Variants in SLC44A2 observed in about 807,000 individuals in gnomAD.
The protein encoded by SLC44A2 is choline transporter-like protein 2.
A neutral mutation model predicts 90.8 loss-of-function variants in SLC44A2; 57 were observed. That is an observed-to-expected ratio of 0.63 (90% CI 0.51 to 0.78). The LOEUF (loss-of-function observed/expected upper bound fraction) is 0.78. Ranked by LOEUF, SLC44A2 falls within the 30% of genes least tolerant of loss-of-function variation. The pLI is 0.00. For synonymous variants in SLC44A2, 355 were observed against 360.7 expected (o/e 0.98, Z 0.18); for missense variants, 794 against 919.7 (o/e 0.86, Z 1.77).
chr19:10,627,725 C>T lies in SLC44A2; in HGVS notation c.90C>T (p.Gly30=), dbSNP rs767832382. 3 of 1,613,128 alleles carry T rather than the reference C, an allele frequency of 1.9e-6. No homozygotes were observed. Among genetic ancestry groups the T allele is most frequent in the Non-Finnish European group, 2.5e-6 (3 of 1,179,924 alleles). Residue 30 remains glycine (G), a synonymous_variant, in exon 3 of 22, where the codon GGC becomes GGT. Coordinates refer to ENST00000335757, the MANE Select transcript of SLC44A2 (RefSeq NM_020428.4). ...ACACTGCCCCTCTGCTCCCCAGGGG[C>T]TGCACGGATATCATATGCTGTGTGT... ...PTFKGPIYNR[G]CTDIICCVFL... is the part of the protein sequence containing the mutation.
chr19:10,635,663 AAG>A, intron 14 of SLC44A2, 148 bp downstream of exon 14: 1 of 690,788 alleles, frequency 1.4e-6, no homozygotes, highest in South Asian at 1.9e-5. Context: ...CACAGTGGGG[AAG>A]AGACTCTCTA....
intron 1 of SLC44A2, among the ~76,000 whole-genome samples, chr19:10,607,993 C>T (rs969044773): frequency 4.6e-5 from 7 of 150,840 alleles, no homozygotes; most frequent in Non-Finnish European, 5.9e-5. Flanking sequence ...GATCCGCCCC[C>T]GCCTCGGCCT....
intron 4 of SLC44A2, among the ~76,000 whole-genome samples, chr19:10,629,096 C>T (rs1396839867): frequency 3.3e-5 from 5 of 150,426 alleles, no homozygotes; most frequent in Non-Finnish European, 5.9e-5. Flanking sequence ...CCCGGTTACT[C>T]AGGAGGCTGA....
intron 1 of SLC44A2, among the ~76,000 whole-genome samples, chr19:10,617,750 T>C (rs145228107): frequency 1.5e-4 from 23 of 152,274 alleles, no homozygotes; most frequent in Admixed American, 2.6e-4. Flanking sequence ...TAAAATGGGT[T>C]GATGAAATGG....
At chr19:10,631,021 T>C (rs559042575) in intron 4 of SLC44A2, 36 bp from the exon 5 acceptor site, 6 of 1,241,522 alleles carry the variant, frequency 4.8e-6, no homozygotes, top group Admixed American at 4.0e-5. Flanking sequence ...AAAAAAAAAA[T>C]CTTAACAGTT....
At position 10,627,804 on chromosome 19, in the gene SLC44A2, A is replaced by G. The variant is rs769141734; in HGVS notation, c.160+9A>G. On this transcript the variant is annotated intron_variant, in intron 3 of 21. Transcript: ENST00000335757. ...GGCTGTAGGCATCATAGGTGAGTAG[A>G]GAATGAGCAGGACTTGGAGTTGCAG... The G allele has an allele frequency of 6.2e-7, 1 of 1,614,122 alleles. No homozygotes were observed. Among genetic ancestry groups the G allele is most frequent in the Non-Finnish European group, 8.5e-7 (1 of 1,180,030 alleles).
chr19:10,610,394 T>C (rs1402141006), intron 1 of SLC44A2, among the ~76,000 whole-genome samples: 2 of 146,456 alleles, frequency 1.4e-5, no homozygotes, highest in Non-Finnish European at 3.0e-5. Context: ...TGCAGTGACG[T>C]GATCTCGGCT....
rs1046814890 is a variant in SLC44A2 at position 10,627,661 on chromosome 19, G to A, written c.87-61G>A. 58 of 1,578,126 alleles carry A rather than the reference G, an allele frequency of 3.7e-5. No individual in the cohort carries two copies. The Admixed American group carries it at 9.7e-4, about 26-fold the overall frequency. On this transcript the variant is annotated intron_variant, in intron 2 of 21. Coordinates refer to ENST00000335757, the MANE Select transcript of SLC44A2 (RefSeq NM_020428.4). ...TGGATGAGGGTGTTTGCAGAGGGCAGATGGGCCCATGGTGCACACAGCACC... is the reference window on the plus strand; with the variant it reads ...TGGATGAGGGTGTTTGCAGAGGGCAAATGGGCCCATGGTGCACACAGCACC...
chr19:10,631,731 AC>A lies in SLC44A2; in HGVS notation c.610del (p.Leu204TrpfsTer12). ...CATGGCTCCCGGAAAAACATCACAGACCTGGTGGAGGGCGCCAAGTGAGGAT... is the reference window on the plus strand; with the variant it reads ...CATGGCTCCCGGAAAAACATCACAGACTGGTGGAGGGCGCCAAGTGAGGAT... ...DGHGSRKNIT[D>X]LVEGAKKANG... On this transcript the variant is annotated frameshift_variant, in exon 8 of 22. Transcript: ENST00000335757. LOFTEE classifies it high-confidence loss of function. The A allele has an allele frequency of 6.2e-7, 1 of 1,613,270 alleles. No individual in the cohort carries two copies. The highest frequency in any genetic ancestry group is 8.5e-7 in the Non-Finnish European group (1 of 1,180,022).
At chr19:10,641,648 G>A (rs1212521416) in intron 20 of SLC44A2, among the ~76,000 whole-genome samples, 1 of 151,838 alleles carries the variant, frequency 6.6e-6, no homozygotes, top group Non-Finnish European at 1.5e-5. Context: ...AGCCCAGGAT[G>A]GGTAATGGGT....
At chr19:10,631,240 C>G (rs1413428196) in intron 5 of SLC44A2, 35 bp from the exon 6 acceptor site, 1 of 1,610,286 alleles carries the variant, frequency 6.2e-7, no homozygotes, top group Admixed American at 1.7e-5. Context: ...CAGTCTGCCC[C>G]AACTCCACCC....
intron 1 of SLC44A2, among the ~76,000 whole-genome samples, chr19:10,619,284 A>C (rs542315556): frequency 6.6e-6 from 1 of 151,748 alleles, no homozygotes; most frequent in South Asian, 2.1e-4. Flanking sequence ...ATAAAAAATT[A>C]GCCGGGCGTG....
At chr19:10,641,261 GA>G (rs2067112859) in intron 20 of SLC44A2, 9 of 365,220 alleles carry the variant, frequency 2.5e-5, no homozygotes, top group South Asian at 1.8e-4. Flanking sequence ...GGGTATGCTG[GA>G]ACATGCCTGT....
chr19:10,607,751 T>TTA (rs996092217), intron 1 of SLC44A2, among the ~76,000 whole-genome samples: 5 of 72,480 alleles, frequency 6.9e-5, no homozygotes, highest in African/African-American at 1.6e-4. Context: ...ATTATTATTA[T>TTA]TTTTTTTTTT....
upstream of SLC44A2, among the ~76,000 whole-genome samples, chr19:10,621,038 G>T (rs1221718356): frequency 6.6e-6 from 1 of 151,946 alleles, no homozygotes; most frequent in East Asian, 1.9e-4. Flanking sequence ...GACTCTATTT[G>T]ATAATAACAA....
chr19:10,605,653 C>T (rs1918080233), intron 1 of SLC44A2, among the ~76,000 whole-genome samples: 1 of 151,764 alleles, frequency 6.6e-6, no homozygotes, highest in Admixed American at 6.6e-5. Flanking sequence ...CGCCACTGCA[C>T]TCCAGCTTAG....
intron 1 of SLC44A2, among the ~76,000 whole-genome samples, chr19:10,609,419 G>A (rs1278892333): frequency 6.6e-6 from 1 of 150,468 alleles, no homozygotes; most frequent in South Asian, 2.1e-4. Context: ...CCTGCCTCAG[G>A]CTCCTGAGTA....
At chr19:10,623,235 C>T (rs113761872), upstream of SLC44A2, among the ~76,000 whole-genome samples, 169 of 152,188 alleles carry the variant, frequency 1.1e-3, no homozygotes, top group African/African-American at 3.6e-3. Flanking sequence ...CATGACCTGG[C>T]GCCTCAGGCC....
chr19:10,609,018 C>T (rs1222531035), intron 1 of SLC44A2, among the ~76,000 whole-genome samples: 10 of 137,180 alleles, frequency 7.3e-5, no homozygotes, highest in South Asian at 7.2e-4. Context: ...AGAGCAGTGG[C>T]GCCATCTCAG....
Sources: allele counts gnomAD v4.1 joint callset (sites outside exome capture counted in the v4.1 genomes callset), GRCh38; gene constraint gnomAD v4.1.1; transcripts MANE v1.5; gene names NCBI Gene and HGNC (gene_info 2026-07-23, HGNC 2026-07-21).